LRRD1: variants seen among roughly 807,000 people sequenced by gnomAD.
The protein encoded by LRRD1 is leucine rich repeats and death domain containing 1, also known as leucine-rich repeat and death domain-containing protein 1.
LRRD1 carries 49 observed loss-of-function variants against 69.5 expected under a neutral mutation model. That is an observed-to-expected ratio of 0.70 (90% CI 0.56 to 0.89). LRRD1 has a LOEUF of 0.89. Ranked by LOEUF, LRRD1 falls within the 40% of genes least tolerant of loss-of-function variation. The probability of loss-of-function intolerance (pLI) is 0.00; values close to 1 mark genes in which losing one functional copy is unlikely to be tolerated. For synonymous variants in LRRD1, 303 were observed against 338.9 expected (o/e 0.89, Z 1.16); for missense variants, 853 against 956.0 (o/e 0.89, Z 1.42).
chr7:92,157,282 A>T (rs1788681239), intron 3 of LRRD1, among the ~76,000 whole-genome samples: 1 of 152,076 alleles, frequency 6.6e-6, no homozygotes, highest in African/African-American at 2.4e-5. Flanking sequence ...TAGTTTTTGA[A>T]TATTGACTCA....
At chr7:92,150,327 C>T (rs181203532) in intron 4 of LRRD1, among the ~76,000 whole-genome samples, 12 of 151,980 alleles carry the variant, frequency 7.9e-5, no homozygotes, top group Admixed American at 5.9e-4. Context: ...TAGCCAGGTG[C>T]GGTGACACAT....
chr7:92,174,484 TATATATATATATATATATATA>T (rs1789124604), intron 1 of LRRD1, among the ~76,000 whole-genome samples: 2 of 15,374 alleles, frequency 1.3e-4, no homozygotes, highest in Non-Finnish European at 3.2e-4. Flanking sequence ...TATATATATA[TATATATATATATATATATATA>T]TATATTTTTT....
intron 4 of LRRD1, among the ~76,000 whole-genome samples, chr7:92,147,990 C>A (rs1160960142): frequency 1.3e-5 from 2 of 152,238 alleles, no homozygotes; most frequent in Non-Finnish European, 2.9e-5. Flanking sequence ...GATCTCATCT[C>A]ACTACAATCT....
intron 4 of LRRD1, among the ~76,000 whole-genome samples, chr7:92,149,688 G>A (rs1228161980): frequency 6.6e-6 from 1 of 151,866 alleles, no homozygotes; most frequent in African/African-American, 2.4e-5. Flanking sequence ...TTTCCCTCAA[G>A]GCCGAATGTA....
intron 1 of LRRD1, among the ~76,000 whole-genome samples, chr7:92,176,281 T>G (rs12536220): frequency 0.57 from 86,107 of 151,930 alleles, 25,667 homozygotes; most frequent in African/African-American, 0.77. Flanking sequence ...TAAAATACTG[T>G]CATATAGAAA....
In LRRD1 at chr7:92,147,663, GT is replaced by G. The variant is rs561723332; in HGVS notation, c.2279-1464del. Among the ~76,000 whole-genome samples the G allele has an allele frequency of 7.9e-3, 1,195 of 152,162 alleles. 6 individuals carry two copies. The highest frequency in any genetic ancestry group is 0.012 in the Non-Finnish European group (821 of 67,992). ...GTTGGCTGAGCAATTAGTGATTTTA[GT>G]TTTTTTAATTAAAACTTCCAGCTAA... On this transcript the variant is annotated intron_variant, in intron 4 of 5. Transcript: ENST00000458448.
At chr7:92,160,848 A>C (rs1414167459) in intron 2 of LRRD1, among the ~76,000 whole-genome samples, 2 of 152,136 alleles carry the variant, frequency 1.3e-5, no homozygotes, top group African/African-American at 4.8e-5. Context: ...GAATAGAATT[A>C]GAAAAAAGTT....
intron 1 of LRRD1, among the ~76,000 whole-genome samples, chr7:92,173,116 T>C (rs1171745888): frequency 6.6e-6 from 1 of 152,132 alleles, no homozygotes; most frequent in African/African-American, 2.4e-5. Context: ...CTTTAATAAA[T>C]GGTGCTGAGA....
chr7:92,167,312 T>C (rs925096668), intron 1 of LRRD1, among the ~76,000 whole-genome samples: 1 of 151,876 alleles, frequency 6.6e-6, no homozygotes, highest in African/African-American at 2.4e-5. Flanking sequence ...GCCAGGATGG[T>C]CTCGATCTCC....
intron 2 of LRRD1, 96 bp from the exon 3 acceptor site, chr7:92,159,299 TTTTG>T (rs1788747431): frequency 1.1e-5 from 10 of 907,510 alleles, no homozygotes; most frequent in Non-Finnish European, 1.5e-5. Context: ...TTTTGTCTGT[TTTTG>T]TTTTTGTCTT....
Position 92,163,574 on chromosome 7 carries a change from G to A in LRRD1, c.1629C>T (p.Asn543=). 6.5e-7 allele frequency: 1 copy of A among 1,531,860 alleles called. No individual in the cohort carries two copies. The highest frequency in any genetic ancestry group is 1.2e-5 in the South Asian group (1 of 80,770). The allele number at this position is 1,531,860 out of a possible 1,614,324, so 94.9% of individuals were successfully genotyped here. A position where few individuals can be genotyped will look rare whatever the true frequency, so the allele number is the denominator to read the frequency against. ...TTGATGCTGGAATTTTCTTTATTTG[G>A]TTTTTACCAAGATCCAGGTATTTAA... The part of the protein sequence containing the change: ...INLKYLDLGK[N]QIKKIPASIS... Residue 543 remains asparagine (N), a synonymous_variant, in exon 2 of 6, where the codon AAC becomes AAT. Transcript: ENST00000458448.
At chr7:92,167,058 T>G (rs1196169563) in intron 1 of LRRD1, among the ~76,000 whole-genome samples, 1 of 152,030 alleles carries the variant, frequency 6.6e-6, no homozygotes, top group South Asian at 2.1e-4. Flanking sequence ...TTGAGTAATA[T>G]TGCTAAATAC....
intron 5 of LRRD1, 95 bp downstream of exon 5, chr7:92,145,988 T>C: frequency 1.6e-6 from 1 of 632,780 alleles, no homozygotes; most frequent in Admixed American, 3.7e-5. Flanking sequence ...AAGTAGAGAT[T>C]GTGTTAATAC....
chr7:92,171,058 G>A (rs1789047226), intron 1 of LRRD1, among the ~76,000 whole-genome samples: 1 of 152,000 alleles, frequency 6.6e-6, no homozygotes, highest in African/African-American at 2.4e-5. Context: ...GTATTAAGAG[G>A]GAAGTTTGTA....
In LRRD1 at chr7:92,160,792, G is replaced by A. The variant is rs145918060; in HGVS notation, c.1918-1589C>T. 9.9e-3 allele frequency among the ~76,000 whole-genome samples: 1,508 copies of A among 152,246 alleles called. 9 individuals are homozygous for A. Among genetic ancestry groups the A allele is most frequent in the Non-Finnish European group, 0.016 (1,070 of 68,010 alleles). ...CGCACCACTGTCCTCCAGCCTGAGC[G>A]ACAGAGTGAGACTCTGTCTCAAAAA... On this transcript the variant is annotated intron_variant, in intron 2 of 5. Coordinates refer to ENST00000458448, the MANE Select transcript of LRRD1 (RefSeq NM_001161528.2).
chr7:92,163,399 TTA>T lies in LRRD1; in HGVS notation c.1802_1803del (p.Leu601Ter), dbSNP rs1289620534. The T allele has an allele frequency of 6.5e-7, 1 of 1,547,892 alleles. No homozygotes were observed. The highest frequency in any genetic ancestry group is 8.7e-7 in the Non-Finnish European group (1 of 1,146,048). On this transcript the variant is annotated frameshift_variant, in exon 2 of 6. Transcript: ENST00000458448. LOFTEE classifies it high-confidence loss of function. ...GAGAAGTTTAATTTCTGGATTCCTTTTAAATTACAGATGTCTGAAGAGATTTT... is the reference window on the plus strand; with the variant it reads ...GAGAAGTTTAATTTCTGGATTCCTTTAATTACAGATGTCTGAAGAGATTTT... ...LQKISSDICN[L>X]KGIQKLNFSS...
Position 92,164,989 on chromosome 7 carries a change from C to T in LRRD1, c.214G>A (p.Gly72Arg), listed in dbSNP as rs1788876359. 1 of 1,551,170 alleles carries T rather than the reference C, an allele frequency of 6.4e-7. No homozygotes were observed. The highest frequency in any genetic ancestry group is 1.4e-5 in the African/African-American group (1 of 73,104). ...QNTLESTSSS[G>R]RKSKRNEEQK... ...TCTTCATTTCTCTTAGACTTCCTTC[C>T]AGAGGAAGATGTTGACTCTAATGTA... is the stretch of plus-strand genomic sequence containing the variant. The change falls in exon 2 of 6, where the codon GGA (glycine) becomes AGA (arginine). Residue 72 changes from glycine to arginine, a missense_variant. This residue lies in a region of LRRD1 where 99 missense variants were observed against 107.0 expected (regional missense o/e 0.92). Coordinates refer to ENST00000458448, the MANE Select transcript of LRRD1 (RefSeq NM_001161528.2).
chr7:92,143,934 T>G (rs1645330285), downstream of LRRD1, among the ~76,000 whole-genome samples: 2 of 152,144 alleles, frequency 1.3e-5, no homozygotes, highest in African/African-American at 4.8e-5. Context: ...GTTAAATGAG[T>G]AGAAGATATT....
At chr7:92,157,029 CTTTTTTT>C (rs34543093) in intron 3 of LRRD1, among the ~76,000 whole-genome samples, 1 of 111,808 alleles carries the variant, frequency 8.9e-6, no homozygotes, top group Non-Finnish European at 1.8e-5. Context: ...ATGATATTTG[CTTTTTTT>C]TTTTTTTTTT....
Sources: allele counts gnomAD v4.1 joint callset (sites outside exome capture counted in the v4.1 genomes callset), GRCh38; gene constraint gnomAD v4.1.1; regional missense constraint gnomAD v4.1.1; transcripts MANE v1.5; gene names NCBI Gene and HGNC (gene_info 2026-07-23, HGNC 2026-07-21).